The following SLC24A2 variants were observed in gnomAD, a reference collection of about 807,000 sequenced individuals.
SLC24A2 encodes solute carrier family 24 member 2.
A neutral mutation model predicts 62.0 loss-of-function variants in SLC24A2; 36 were observed. That is an observed-to-expected ratio of 0.58 (90% CI 0.44 to 0.77). SLC24A2 has a LOEUF of 0.77. SLC24A2 is among the 30% of genes least tolerant of loss of function. The probability of loss-of-function intolerance (pLI) is 0.00; values close to 1 mark genes in which losing one functional copy is unlikely to be tolerated. For synonymous variants in SLC24A2, 358 were observed against 294.0 expected, an observed-to-expected ratio of 1.22 and a Z score of -2.23; for missense variants, 846 against 817.9, an observed-to-expected ratio of 1.03 and a Z score of -0.42.
the SLC24A2 span, among the ~76,000 whole-genome samples, chr9:20,239,495 A>T: frequency 5.8e-5 from 8 of 138,432 alleles, no homozygotes; most frequent in Non-Finnish European, 1.2e-4. Flanking sequence ...GGCCTTGGAT[A>T]GGCACAGCCC....
At chr9:19,822,663 G>A in the SLC24A2 span, among the ~76,000 whole-genome samples, 3 of 152,104 alleles carry the variant, frequency 2.0e-5, no homozygotes, top group African/African-American at 7.2e-5. Flanking sequence ...CTGAACTACA[G>A]CCCACTTTGC....
chr9:20,188,086 G>A, the SLC24A2 span, among the ~76,000 whole-genome samples: 1 of 151,960 alleles, frequency 6.6e-6, no homozygotes, highest in Non-Finnish European at 1.5e-5. Context: ...CTCTTGGATT[G>A]GTTTTCTATC....
At chr9:20,302,223 A>G in the SLC24A2 span, among the ~76,000 whole-genome samples, 1 of 152,154 alleles carries the variant, frequency 6.6e-6, no homozygotes, top group Non-Finnish European at 1.5e-5. Context: ...TACAATTTTC[A>G]GCTCCTTTGG....
chr9:19,790,063 A>C (rs1823292929), upstream of SLC24A2, among the ~76,000 whole-genome samples: 1 of 146,964 alleles, frequency 6.8e-6, no homozygotes, highest in South Asian at 2.3e-4. Context: ...TCTTCCCCCC[A>C]CCCCCCAATC....
chr9:20,235,729 C>T, the SLC24A2 span, among the ~76,000 whole-genome samples: 6 of 152,182 alleles, frequency 3.9e-5, no homozygotes, highest in Non-Finnish European at 5.9e-5. Context: ...GTGTACTGCA[C>T]CCACTGTCCT....
At chr9:20,012,527 G>T in the SLC24A2 span, among the ~76,000 whole-genome samples, 12 of 151,576 alleles carry the variant, frequency 7.9e-5, no homozygotes, top group African/African-American at 2.7e-4. Context: ...AGTACAGAAA[G>T]TCCTAGCCAG....
chr9:19,997,096 T>C, the SLC24A2 span, among the ~76,000 whole-genome samples: 1 of 152,068 alleles, frequency 6.6e-6, no homozygotes, highest in Non-Finnish European at 1.5e-5. Context: ...GCATGCTTCT[T>C]GAGAATAATT....
intron 2 of SLC24A2, among the ~76,000 whole-genome samples, chr9:19,760,628 G>C (rs1157806246): frequency 6.6e-6 from 1 of 151,772 alleles, no homozygotes; most frequent in African/African-American, 2.4e-5. Flanking sequence ...TTGGTTTTCT[G>C]TTCTGGTGTT....
the SLC24A2 span, among the ~76,000 whole-genome samples, chr9:20,230,794 A>G: frequency 6.6e-6 from 1 of 152,178 alleles, no homozygotes; most frequent in Non-Finnish European, 1.5e-5. Context: ...TGTTTTAGAC[A>G]TGAAGTCCTT....
At chr9:19,812,886 T>C in the SLC24A2 span, among the ~76,000 whole-genome samples, 1 of 152,154 alleles carries the variant, frequency 6.6e-6, no homozygotes, top group Non-Finnish European at 1.5e-5. Flanking sequence ...GCTCCTAAGG[T>C]GTATCCCTCC....
rs11792520 is a variant in SLC24A2 at position 19,760,920 on chromosome 9, G to T, written c.930+25017C>A. Among the ~76,000 whole-genome samples, 5 of 151,314 alleles carry T rather than the reference G, an allele frequency of 3.3e-5. No individual in the cohort carries two copies. The East Asian group carries it at 9.9e-4, about 30-fold the overall frequency. On this transcript the variant is annotated intron_variant, in intron 2 of 10. Transcript: ENST00000341998. ...ACACACCAGGGCCTGTTGCCGGGTG[G>T]GGGGAGGGTGGAGGGTTAGCATTAG...
chr9:19,628,088 A>G (rs778684324), intron 2 of SLC24A2, among the ~76,000 whole-genome samples: 1 of 152,282 alleles, frequency 6.6e-6, no homozygotes, highest in Non-Finnish European at 1.5e-5. Flanking sequence ...AGCCTCCCTA[A>G]TACTGGAAGC....
the SLC24A2 span, among the ~76,000 whole-genome samples, chr9:19,946,193 C>G: frequency 1.3e-5 from 2 of 152,166 alleles, no homozygotes; most frequent in East Asian, 1.9e-4. Flanking sequence ...AGCTCACCCC[C>G]AAGGACTGCT....
At chr9:20,081,465 C>G in the SLC24A2 span, among the ~76,000 whole-genome samples, 1 of 111,742 alleles carries the variant, frequency 8.9e-6, no homozygotes, top group Non-Finnish European at 1.7e-5. Context: ...AAATCAGACA[C>G]TGGGGCTTGT....
At chr9:20,167,968 C>T in the SLC24A2 span, among the ~76,000 whole-genome samples, 2 of 151,678 alleles carry the variant, frequency 1.3e-5, no homozygotes, top group Admixed American at 1.3e-4. Flanking sequence ...CTGTCAATAG[C>T]TGGAAAGAAA....
the SLC24A2 span, among the ~76,000 whole-genome samples, chr9:20,191,902 G>T: frequency 3.9e-5 from 6 of 152,116 alleles, no homozygotes; most frequent in Non-Finnish European, 8.8e-5. Context: ...TTTATGAACA[G>T]TTCAAACATA....
Position 19,509,923 on chromosome 9 carries a change from A to G in SLC24A2, c.*6230T>C, listed in dbSNP as rs1832653484. ...ATCAATCAGTAGCTTTACAAATCCT[A>G]TCCAACCTACCACACAAAAGGATAT... is the stretch of plus-strand genomic sequence containing the variant. On this transcript the variant is annotated 3_prime_UTR_variant, in exon 11 of 11. Transcript: ENST00000341998. The G allele has an allele frequency of 1.3e-5, 2 of 152,188 alleles. No homozygotes were observed. The highest frequency in any genetic ancestry group is 4.1e-4 in the South Asian group (2 of 4,832). 9.4% of individuals were successfully genotyped at this position (152,188 alleles called of 1,614,324 possible).
In SLC24A2 at chr9:19,785,089, A is replaced by G. The variant is rs190973983; in HGVS notation, c.930+848T>C. ...ATATTCCACTGCTAGGATATAAATC[A>G]GAACTCCATTACAATACCACATACG... On this transcript the variant is annotated intron_variant, in intron 2 of 10. Coordinates refer to ENST00000341998, the MANE Select transcript of SLC24A2 (RefSeq NM_020344.4). Among the ~76,000 whole-genome samples, 618 of 152,354 alleles carry G rather than the reference A, an allele frequency of 4.1e-3. 1 individual carries two copies. Among genetic ancestry groups the G allele is most frequent in the South Asian group, 9.3e-3 (45 of 4,826 alleles).
At chr9:19,820,052 T>TAC in the SLC24A2 span, among the ~76,000 whole-genome samples, 3 of 24,418 alleles carry the variant, frequency 1.2e-4, no homozygotes, top group Non-Finnish European at 4.4e-4. Flanking sequence ...CATATATATA[T>TAC]ATACACATAT....
Sources: allele counts gnomAD v4.1 joint callset (sites outside exome capture counted in the v4.1 genomes callset), GRCh38; gene constraint gnomAD v4.1.1; transcripts MANE v1.5; gene names NCBI Gene and HGNC (gene_info 2026-07-23, HGNC 2026-07-21).